The following PRKAG2 variants were observed in gnomAD, a reference collection of about 807,000 sequenced individuals.
PRKAG2 encodes the protein 5'-AMP-activated protein kinase subunit gamma-2.
A neutral mutation model predicts 69.6 loss-of-function variants in PRKAG2; 26 were observed. That is an observed-to-expected ratio of 0.37 (90% CI 0.27 to 0.52). The LOEUF (loss-of-function observed/expected upper bound fraction) is 0.52. PRKAG2 is among the 20% of genes least tolerant of loss of function. PRKAG2 has a pLI of 0.90. For synonymous variants in PRKAG2, 293 were observed against 285.0 expected (o/e 1.03, Z -0.28); for missense variants, 557 against 740.0 (o/e 0.75, Z 2.87).
intron 5 of PRKAG2, among the ~76,000 whole-genome samples, chr7:151,613,805 A>ATT (rs372668253): frequency 5.2e-5 from 6 of 114,708 alleles, no homozygotes; most frequent in African/African-American, 6.5e-5. Context: ...AGTCCCAAGC[A>ATT]TTTTTTTTTT....
chr7:151,717,021 T>C (rs897548913), intron 3 of PRKAG2, among the ~76,000 whole-genome samples: 1 of 151,896 alleles, frequency 6.6e-6, no homozygotes, highest in Non-Finnish European at 1.5e-5. Context: ...CCAAGGTGGG[T>C]GGATCACTTG....
intron 3 of PRKAG2, among the ~76,000 whole-genome samples, chr7:151,722,855 T>C (rs1860743): frequency 0.91 from 137,823 of 152,102 alleles, 62,880 homozygotes; most frequent in East Asian, 1. Context: ...AAGGACATTC[T>C]TCCCTGCCCC....
At chr7:151,790,012 C>T (rs1380052347) in intron 1 of PRKAG2, among the ~76,000 whole-genome samples, 2 of 152,174 alleles carry the variant, frequency 1.3e-5, no homozygotes, top group Admixed American at 6.5e-5. Context: ...GGACATCCCA[C>T]CTGGAATGCT....
intron 1 of PRKAG2, among the ~76,000 whole-genome samples, chr7:151,827,812 G>C (rs976662159): frequency 3.6e-5 from 5 of 139,314 alleles, no homozygotes; most frequent in Admixed American, 3.1e-4. Context: ...GACTTCCAAT[G>C]CCAGAGCCTA....
chr7:151,714,172 C>T (rs1015465486), intron 3 of PRKAG2, among the ~76,000 whole-genome samples: 1 of 152,156 alleles, frequency 6.6e-6, no homozygotes, highest in African/African-American at 2.4e-5. Flanking sequence ...GGGGAATAAA[C>T]AAGATCTCAC....
chr7:151,597,763 TAAACAAAACA>T (rs61457059), intron 5 of PRKAG2, among the ~76,000 whole-genome samples: 4 of 139,782 alleles, frequency 2.9e-5, no homozygotes, highest in Non-Finnish European at 6.2e-5. Flanking sequence ...ATGGCTATTA[TAAACAAAACA>T]AAACAAAACA....
chr7:151,797,028 A>G (rs1471326544), intron 1 of PRKAG2, among the ~76,000 whole-genome samples: 1 of 152,050 alleles, frequency 6.6e-6, no homozygotes, highest in Admixed American at 6.6e-5. Flanking sequence ...CTACCGACTC[A>G]AGGGAAAGGC....
chr7:151,734,907 T>A (rs1305863648), intron 3 of PRKAG2, among the ~76,000 whole-genome samples: 2 of 140,818 alleles, frequency 1.4e-5, no homozygotes, highest in Non-Finnish European at 3.0e-5. Flanking sequence ...CAGGCTGAAG[T>A]GCAGTGGTGT....
At chr7:151,715,322 CAA>C (rs34971340) in intron 3 of PRKAG2, among the ~76,000 whole-genome samples, 28 of 62,440 alleles carry the variant, frequency 4.5e-4, no homozygotes, top group East Asian at 1.7e-3. Flanking sequence ...GGCCTAAAAG[CAA>C]AAAAAAAAAA....
chr7:151,714,335 C>T (rs904815540), intron 3 of PRKAG2, among the ~76,000 whole-genome samples: 6 of 152,132 alleles, frequency 3.9e-5, no homozygotes, highest in African/African-American at 1.4e-4. Flanking sequence ...TCCTCCCATC[C>T]CAGCCCTGCC....
intron 3 of PRKAG2, among the ~76,000 whole-genome samples, chr7:151,744,591 C>T (rs527547493): frequency 7.2e-5 from 11 of 152,330 alleles, no homozygotes; most frequent in African/African-American, 1.7e-4. Flanking sequence ...CCAAGCTTTC[C>T]GTCTCATCAA....
At position 151,835,489 on chromosome 7, in the gene PRKAG2, C is replaced by T. The variant is rs977943033; in HGVS notation, c.114+41018G>A. Among the ~76,000 whole-genome samples, 22 of 152,112 alleles carry T rather than the reference C, an allele frequency of 1.4e-4. No homozygotes were observed. The highest frequency in any genetic ancestry group is 5.1e-4 in the African/African-American group (21 of 41,420). On this transcript the variant is annotated intron_variant, in intron 1 of 15. Transcript: ENST00000287878. This position sits in a 1 kb window ranked among gnomAD's most constrained non-coding sequence, Gnocchi z 4.1. ...GATTACAGGCATTAACCACCACACT[C>T]GACACCCTTAGAAAGTTTTCAGAAA...
intron 3 of PRKAG2, among the ~76,000 whole-genome samples, chr7:151,692,576 A>T (rs1217411698): frequency 6.8e-6 from 1 of 147,248 alleles, no homozygotes; most frequent in African/African-American, 2.6e-5. Flanking sequence ...ATTTTTTTTT[A>T]AAAGGGTGAG....
chr7:151,723,818 C>T (rs1797502910), intron 3 of PRKAG2, among the ~76,000 whole-genome samples: 1 of 152,194 alleles, frequency 6.6e-6, no homozygotes, highest in Non-Finnish European at 1.5e-5. Context: ...CCTCCCTCTG[C>T]AGCAGACGCA....
chr7:151,845,963 C>T (rs544438400), intron 1 of PRKAG2, among the ~76,000 whole-genome samples: 3 of 152,138 alleles, frequency 2.0e-5, no homozygotes, highest in Non-Finnish European at 4.4e-5. Context: ...GTCCTCAGAT[C>T]GGGGGCTAGC....
At chr7:151,631,891 C>T in intron 5 of PRKAG2, 178 bp downstream of exon 5, 1 of 550,174 alleles carries the variant, frequency 1.8e-6, no homozygotes. Flanking sequence ...ACCCCGCAGC[C>T]CGAGCTCGCC....
chr7:151,637,998 G>A (rs1826027600), intron 4 of PRKAG2, among the ~76,000 whole-genome samples: 1 of 152,144 alleles, frequency 6.6e-6, no homozygotes, highest in African/African-American at 2.4e-5. Flanking sequence ...GGGAAGGGGC[G>A]TGCACTTGTG....
chr7:151,574,959 A>C lies in PRKAG2; in HGVS notation c.947-10T>G, dbSNP rs2151034984. 6.2e-7 allele frequency: 1 copy of C among 1,612,548 alleles called. No individual in the cohort carries two copies. The highest frequency in any genetic ancestry group is 2.2e-5 in the East Asian group (1 of 44,776). On this transcript the variant is annotated splice_polypyrimidine_tract_variant and intron_variant, in intron 7 of 15. Transcript: ENST00000287878. ...GTAATTGTTAGCATTCCTGGAACAAAGAATTACATGTTACAAATAAAACCA... is the reference window on the plus strand; with the variant it reads ...GTAATTGTTAGCATTCCTGGAACAACGAATTACATGTTACAAATAAAACCA...
chr7:151,867,629 T>C lies in PRKAG2; in HGVS notation c.114+8878A>G, dbSNP rs114732283. Among the ~76,000 whole-genome samples the C allele has an allele frequency of 8.7e-3, 1,319 of 152,222 alleles. 17 individuals are homozygous for C. Among genetic ancestry groups the C allele is most frequent in the African/African-American group, 0.03 (1,254 of 41,546 alleles). On this transcript the variant is annotated intron_variant, in intron 1 of 15. Coordinates refer to ENST00000287878, the MANE Select transcript of PRKAG2 (RefSeq NM_016203.4). ...TCTCAAAGAAGGTCCCATTCACAGG[T>C]ATGGGGTGCAGAGGGTGTGGGACTT...
Sources: gnomAD v4.1 joint callset for allele counts (sites outside exome capture counted in the v4.1 genomes callset) on GRCh38, gnomAD v4.1.1 for gene constraint, Gnocchi (gnomAD v3.1) non-coding constraint, MANE v1.5 for transcripts, NCBI Gene and HGNC (gene_info 2026-07-23, HGNC 2026-07-21) for gene names.